USH2A: variants seen among roughly 807,000 people sequenced by gnomAD.
USH2A encodes the protein usherin.
USH2A carries 443 observed loss-of-function variants against 538.9 expected under a neutral mutation model. That is an observed-to-expected ratio of 0.82 (90% confidence interval 0.76 to 0.89). USH2A has a LOEUF of 0.89. Ranked by LOEUF, USH2A falls within the 40% of genes least tolerant of loss-of-function variation. The pLI, the probability that USH2A is intolerant of heterozygous loss-of-function variation, is 0.00. For missense variants in USH2A, 6,633 were observed against 6,324.8 expected, an observed-to-expected ratio of 1.05 and a Z score of -1.65; for synonymous variants, 2,413 against 2,273.5, an observed-to-expected ratio of 1.06 and a Z score of -1.75.
At chr1:215,746,609 A>T (rs1660477747) in intron 58 of USH2A, among the ~76,000 whole-genome samples, 1 of 152,128 alleles carries the variant, frequency 6.6e-6, no homozygotes, top group Admixed American at 6.6e-5. Flanking sequence ...TGTTTCTATT[A>T]ATCTTTCTTA....
At chr1:215,728,947 G>A (rs1659912205) in intron 60 of USH2A, among the ~76,000 whole-genome samples, 1 of 152,126 alleles carries the variant, frequency 6.6e-6, no homozygotes, top group Admixed American at 6.6e-5. Flanking sequence ...ATTAGTAGAA[G>A]CTATTATTGG....
chr1:215,910,400 T>TTA (rs1665751064), intron 38 of USH2A, among the ~76,000 whole-genome samples: 1 of 152,008 alleles, frequency 6.6e-6, no homozygotes, highest in African/African-American at 2.4e-5. Context: ...ATTGTGCTAC[T>TTA]TACTGAGCAA....
At chr1:216,128,265 A>T (rs913104055) in intron 21 of USH2A, among the ~76,000 whole-genome samples, 1 of 152,148 alleles carries the variant, frequency 6.6e-6, no homozygotes, top group Admixed American at 6.5e-5. Flanking sequence ...GCTACTAAAA[A>T]CAATGTGTAA....
chr1:216,060,224 A>G (rs767914563), intron 30 of USH2A, among the ~76,000 whole-genome samples: 1 of 152,208 alleles, frequency 6.6e-6, no homozygotes, highest in Non-Finnish European at 1.5e-5. Context: ...CAAATTGCTA[A>G]ATACTAGCCC....
intron 21 of USH2A, among the ~76,000 whole-genome samples, chr1:216,143,473 A>G (rs1320394554): frequency 6.6e-6 from 1 of 152,232 alleles, no homozygotes; most frequent in Non-Finnish European, 1.5e-5. Flanking sequence ...TACAAATAGT[A>G]GTGGTCTAAA....
At chr1:216,144,013 A>C (rs1019648012) in intron 21 of USH2A, among the ~76,000 whole-genome samples, 6 of 152,232 alleles carry the variant, frequency 3.9e-5, no homozygotes, top group Non-Finnish European at 8.8e-5. Context: ...CTAGTAAATG[A>C]GAGCCAAAAA....
At position 216,422,015 on chromosome 1, in the gene USH2A, AGCTACTGAG is replaced by A. The variant is rs1396847135; in HGVS notation, c.313_321del (p.Leu105_Ser107del). On this transcript the variant is annotated inframe_deletion, in exon 2 of 72. Transcript: ENST00000307340. ...AGATCATTCTTGTCTGGTGTGATGC[AGCTACTGAG>A]GCCTGCTGAGAAAAGGGCAGTGTAG... The A allele has an allele frequency of 6.2e-7, 1 of 1,613,990 alleles. No homozygotes were observed.
At position 216,198,448 on chromosome 1, in the gene USH2A, T is replaced by A; in HGVS notation, c.3948A>T (p.Ala1316=). 1 of 1,614,062 alleles carries A rather than the reference T, an allele frequency of 6.2e-7. No individual in the cohort carries two copies. Among genetic ancestry groups the A allele is most frequent in the African/African-American group, 1.3e-5 (1 of 75,046 alleles). The stretch of plus-strand genomic sequence containing the variant: ...TTGTCATTGTTTGAGGAGGTTTTAA[T>A]GCATTTTCATTGGCCGATTCTACAA... ...HSFVESANEN[A]LKPPQTMTTI... The change falls in exon 18 of 72, where the codon GCA becomes GCT. Residue 1316 remains alanine (A), a synonymous_variant. Coordinates refer to ENST00000307340, the MANE Select transcript of USH2A (RefSeq NM_206933.4).
intron 11 of USH2A, among the ~76,000 whole-genome samples, chr1:216,254,219 T>C (rs182847816): frequency 6.6e-6 from 1 of 152,280 alleles, no homozygotes. Context: ...AAAAATAAAA[T>C]AAAGCATTAT....
intron 3 of USH2A, among the ~76,000 whole-genome samples, chr1:216,402,781 C>T (rs1334636421): frequency 1.3e-5 from 2 of 152,052 alleles, no homozygotes; most frequent in Non-Finnish European, 2.9e-5. Flanking sequence ...AAATTTTTAA[C>T]TCCATCGGGA....
chr1:216,321,927 A>T lies in USH2A; in HGVS notation c.1600T>A (p.Tyr534Asn). 6.2e-7 allele frequency: 1 copy of T among 1,613,898 alleles called. No individual in the cohort carries two copies. The highest frequency in any genetic ancestry group is 1.1e-5 in the South Asian group (1 of 91,082). The change falls in exon 9 of 72, where the codon TAT becomes AAT. Residue 534 changes from tyrosine to asparagine, a missense_variant. Transcript: ENST00000307340. ...CTCTCCTGGGAGCAGAGGCATCTAT[A>T]TGGCTGGCTTGTTGTGTCGCAGTTA... is the stretch of plus-strand genomic sequence containing the variant. ...ADNCDTTSQP[Y>N]RCLCSQESFT...
chr1:215,824,527 T>C (rs977568118), intron 47 of USH2A, among the ~76,000 whole-genome samples: 13 of 152,212 alleles, frequency 8.5e-5, no homozygotes, highest in Middle Eastern at 3.4e-3. Context: ...TGAGGATTGG[T>C]GCCCAGGAAA....
chr1:215,899,995 C>A, intron 40 of USH2A, 80 bp downstream of exon 40: 2 of 1,602,156 alleles, frequency 1.2e-6, no homozygotes, highest in Non-Finnish European at 1.7e-6. Flanking sequence ...AGGCTCATTT[C>A]TTTGCTTTGG....
intron 4 of USH2A, among the ~76,000 whole-genome samples, chr1:216,342,192 A>G (rs1002574437): frequency 5.9e-5 from 9 of 152,234 alleles, no homozygotes; most frequent in African/African-American, 1.4e-4. Context: ...GGATATGAAC[A>G]GACACTTCTC....
intron 64 of USH2A, among the ~76,000 whole-genome samples, chr1:215,663,842 T>C (rs1657519047): frequency 6.6e-6 from 1 of 152,216 alleles, no homozygotes; most frequent in African/African-American, 2.4e-5. Context: ...AGCAAGCCTA[T>C]GAGTCCAATG....
intron 11 of USH2A, among the ~76,000 whole-genome samples, chr1:216,262,708 C>T (rs1203452040): frequency 6.6e-6 from 1 of 151,832 alleles, no homozygotes; most frequent in Non-Finnish European, 1.5e-5. Flanking sequence ...GACATAGATA[C>T]CCAGATCCAG....
intron 14 of USH2A, 35 bp downstream of exon 14, chr1:216,231,918 A>C: frequency 6.2e-7 from 1 of 1,612,674 alleles, no homozygotes; most frequent in Non-Finnish European, 8.5e-7. Context: ...GTTGCTAAAG[A>C]AAGAGTTAAA....
At chr1:215,982,711 T>C (rs1667778028) in intron 35 of USH2A, among the ~76,000 whole-genome samples, 1 of 152,160 alleles carries the variant, frequency 6.6e-6, no homozygotes, top group South Asian at 2.1e-4. Flanking sequence ...AGACATTGTG[T>C]TGCATGCTGG....
intron 32 of USH2A, among the ~76,000 whole-genome samples, chr1:216,005,126 G>T (rs1668362940): frequency 1.3e-5 from 2 of 152,022 alleles, no homozygotes; most frequent in Non-Finnish European, 2.9e-5. Flanking sequence ...TCATACACTA[G>T]ACTAGACATT....
Sources: gnomAD v4.1 joint callset for allele counts (sites outside exome capture counted in the v4.1 genomes callset) on GRCh38, gnomAD v4.1.1 for gene constraint, MANE v1.5 for transcripts, NCBI Gene and HGNC (gene_info 2026-07-23, HGNC 2026-07-21) for gene names.